The following TRRAP variants were observed in gnomAD, a reference collection of about 807,000 sequenced individuals.
The protein encoded by TRRAP is transformation/transcription domain associated protein.
Under a neutral mutation model 438.8 loss-of-function variants are expected in TRRAP, and 41 were observed. The observed-to-expected ratio is 0.09, with a 90% CI of 0.07 to 0.12. TRRAP has a LOEUF of 0.12. Among genes scored for constraint, TRRAP ranks in the 10% least tolerant of loss-of-function variants. TRRAP has a pLI of 1.00. For synonymous variants in TRRAP, 1,994 were observed against 1,962.9 expected (o/e 1.02, Z -0.42); for missense variants, 3,122 against 5,055.1 (o/e 0.62, Z 11.60).
At chr7:98,932,405 G>A (rs868981404) in intron 26 of TRRAP, among the ~76,000 whole-genome samples, 16 of 152,178 alleles carry the variant, frequency 1.1e-4, no homozygotes, top group African/African-American at 2.9e-4. Flanking sequence ...GAGCCACTGC[G>A]CCCAGCCTAT....
intron 62 of TRRAP, among the ~76,000 whole-genome samples, chr7:98,986,890 G>A (rs953352849): frequency 1.3e-5 from 2 of 152,092 alleles, no homozygotes; most frequent in African/African-American, 2.4e-5. Context: ...GTGAGGTAGG[G>A]GTCTATATTT....
chr7:98,988,724 A>C, intron 62 of TRRAP, 41 bp from the exon 63 acceptor site: 2 of 1,604,374 alleles, frequency 1.2e-6, no homozygotes, highest in Non-Finnish European at 1.7e-6. Flanking sequence ...GCTCGCTTCA[A>C]TTGAAAACCA....
chr7:98,983,212 GT>G (rs1353654893), intron 59 of TRRAP, 51 bp from the exon 60 acceptor site: 1 of 1,498,528 alleles, frequency 6.7e-7, no homozygotes, highest in Non-Finnish European at 9.0e-7. Context: ...TGTTTTTCCC[GT>G]TTGATCTTTA....
At chr7:98,928,766 T>A (rs1013284780) in intron 23 of TRRAP, among the ~76,000 whole-genome samples, 3 of 152,032 alleles carry the variant, frequency 2.0e-5, no homozygotes. Flanking sequence ...ATTTTTTTTT[T>A]AATTTTTGTT....
chr7:99,001,703 C>G (rs921160616), intron 67 of TRRAP, among the ~76,000 whole-genome samples: 2 of 152,114 alleles, frequency 1.3e-5, no homozygotes, highest in African/African-American at 4.8e-5. Flanking sequence ...GTGTTCCGTT[C>G]GTGGAATGCA....
chr7:98,997,262 C>T (rs866797765), intron 67 of TRRAP, among the ~76,000 whole-genome samples: 4 of 151,764 alleles, frequency 2.6e-5, no homozygotes, highest in Non-Finnish European at 5.9e-5. Flanking sequence ...GCCAAAATCA[C>T]GCCACTGCAC....
At chr7:98,960,762 TG>T (rs1354744431) in intron 45 of TRRAP, among the ~76,000 whole-genome samples, 18 of 15,858 alleles carry the variant, frequency 1.1e-3, no homozygotes, top group South Asian at 0.028. Context: ...TGGCTTTTTG[TG>T]TGTGTGTGTG....
chr7:98,962,602 C>T (rs1378411600), intron 47 of TRRAP, among the ~76,000 whole-genome samples, 175 bp downstream of exon 47: 2 of 152,254 alleles, frequency 1.3e-5, no homozygotes, highest in Non-Finnish European at 2.9e-5. Flanking sequence ...CTGTAGACTG[C>T]ATCCCCCTTC....
intron 30 of TRRAP, among the ~76,000 whole-genome samples, chr7:98,938,460 A>G (rs1790653315): frequency 6.6e-6 from 1 of 152,234 alleles, no homozygotes; most frequent in Admixed American, 6.5e-5. Flanking sequence ...CCTCCCTGAG[A>G]CAGCCAGGGT....
chr7:98,890,572 T>G, intron 4 of TRRAP, 127 bp downstream of exon 4: 1 of 649,646 alleles, frequency 1.5e-6, no homozygotes, highest in South Asian at 2.4e-5. Context: ...GATAACTTTG[T>G]TCAAGACCGC....
rs778183028 is a variant in TRRAP at position 99,005,086 on chromosome 7, T to C, written c.10536-45T>C. 30 of 1,587,686 alleles carry C rather than the reference T, an allele frequency of 1.9e-5. No individual in the cohort carries two copies. The highest frequency in any genetic ancestry group is 2.6e-5 in the Non-Finnish European group (30 of 1,159,160). On this transcript the variant is annotated intron_variant, in intron 68 of 72. Coordinates refer to ENST00000456197, the MANE Select transcript of TRRAP (RefSeq NM_001375524.1). This position sits in a 1 kb window ranked among gnomAD's most constrained non-coding sequence, Gnocchi z 5.1. ...AGCTTCTTCTCAAGACAAGGACTGG[T>C]AGCAGAGATGCAGGGCATGTCCTCA...
At chr7:98,983,555 GT>G (rs141817337) in intron 60 of TRRAP, 96 bp downstream of exon 60, 88 of 1,402,272 alleles carry the variant, frequency 6.3e-5, no homozygotes, top group Non-Finnish European at 7.0e-5. Context: ...GTTTGGTTTG[GT>G]TTTTTTTTCC....
intron 59 of TRRAP, among the ~76,000 whole-genome samples, chr7:98,982,269 A>C (rs1382578469): frequency 6.6e-6 from 1 of 152,172 alleles, no homozygotes; most frequent in Non-Finnish European, 1.5e-5. Flanking sequence ...CTCTGTTTTC[A>C]GCAAGCTTTT....
At chr7:98,969,232 C>A (rs1315228622) in intron 51 of TRRAP, among the ~76,000 whole-genome samples, 1 of 152,208 alleles carries the variant, frequency 6.6e-6, no homozygotes, top group East Asian at 1.9e-4. Flanking sequence ...AGCCTCCAGG[C>A]TATGGTCCCC....
At chr7:98,929,641 C>T (rs782605049) in intron 23 of TRRAP, among the ~76,000 whole-genome samples, 2 of 150,802 alleles carry the variant, frequency 1.3e-5, no homozygotes, top group Non-Finnish European at 2.9e-5. Flanking sequence ...CTCACTCTGG[C>T]GGCCAGGCTG....
rs369531049 is a variant in TRRAP at position 98,953,447 on chromosome 7, C to T, written c.5730+14C>T. 6.2e-7 allele frequency: 1 copy of T among 1,603,748 alleles called. No individual in the cohort carries two copies. Among genetic ancestry groups the T allele is most frequent in the Non-Finnish European group, 8.5e-7 (1 of 1,178,070 alleles). ...ATCGTCCTGCAGGTATTTTGCAAGC[C>T]CCTCCTGTCCGCCGACATCAGCGTG... On this transcript the variant is annotated intron_variant, in intron 40 of 72. Coordinates refer to ENST00000456197, the MANE Select transcript of TRRAP (RefSeq NM_001375524.1).
Position 98,942,990 on chromosome 7 carries a change from C to G in TRRAP, c.4446C>G (p.His1482Gln). 6.2e-7 allele frequency: 1 copy of G among 1,614,150 alleles called. No homozygotes were observed. The highest frequency in any genetic ancestry group is 8.5e-7 in the Non-Finnish European group (1 of 1,180,036). The change falls in exon 31 of 73, where the codon CAC becomes CAG. Residue 1482 changes from histidine to glutamine, a missense_variant. Transcript: ENST00000456197. ...RKWMEVVVIT[H>Q]KGGQRSDGNE... ...GGATGGAAGTGGTGGTGATCACCCA[C>G]AAAGGGGGCCAGAGGAGCGACGGAA...
chr7:98,910,213 T>TTCCTTCCCC lies in TRRAP; in HGVS notation c.1508_1509insTCCTTCCCC (p.Pro504_Ala505insSerProPro). ...GGCCCTGCTCCCTCCCCAGCCCCTGTCCCTGCCCCACCTCCACCCCCGCCC... is the reference window on the plus strand; with the variant it reads ...GGCCCTGCTCCCTCCCCAGCCCCTGTTCCTTCCCCCCCTGCCCCACCTCCACCCCCGCCC... On this transcript the variant is annotated inframe_insertion, in exon 15 of 73. Transcript: ENST00000456197. The TTCCTTCCCC allele has an allele frequency of 6.5e-7, 1 of 1,538,428 alleles. No individual in the cohort carries two copies. Among genetic ancestry groups the TTCCTTCCCC allele is most frequent in the Non-Finnish European group, 8.8e-7 (1 of 1,142,718 alleles).
At chr7:98,906,839 T>G (rs1796786482) in intron 13 of TRRAP, among the ~76,000 whole-genome samples, 1 of 152,204 alleles carries the variant, frequency 6.6e-6, no homozygotes, top group Non-Finnish European at 1.5e-5. Context: ...AAACTTTATC[T>G]GACTTTATTA....
Sources: allele counts gnomAD v4.1 joint callset (sites outside exome capture counted in the v4.1 genomes callset), GRCh38; gene constraint gnomAD v4.1.1; non-coding constraint Gnocchi (gnomAD v3.1); transcripts MANE v1.5; gene names NCBI Gene and HGNC (gene_info 2026-07-23, HGNC 2026-07-21).